Variants in HOOK3 observed in about 807,000 individuals in gnomAD.
HOOK3 encodes the protein protein Hook homolog 3.
In HOOK3, 24 loss-of-function variants were observed where a neutral mutation model predicts 116.3. The ratio of observed to expected loss-of-function variants is 0.21; its 90% CI spans 0.15 to 0.29. The LOEUF (loss-of-function observed/expected upper bound fraction) is 0.29. Ranked by LOEUF, HOOK3 falls within the 10% of genes least tolerant of loss-of-function variation. HOOK3 has a pLI of 1.00. For missense variants in HOOK3, 632 were observed against 830.2 expected (o/e 0.76, Z 2.93); for synonymous variants, 275 against 283.0 (o/e 0.97, Z 0.28).
At chr8:42,926,799 GCT>G (rs1451048889) in intron 3 of HOOK3, among the ~76,000 whole-genome samples, 1 of 152,180 alleles carries the variant, frequency 6.6e-6, no homozygotes, top group African/African-American at 2.4e-5. Flanking sequence ...GTTCTGTGTA[GCT>G]CTGTCTCATG....
chr8:42,989,913 G>A (rs939314650), intron 15 of HOOK3, among the ~76,000 whole-genome samples: 6 of 152,146 alleles, frequency 3.9e-5, no homozygotes, highest in Admixed American at 1.3e-4. Context: ...GCAAATGACA[G>A]GATTTCATTC....
intron 5 of HOOK3, among the ~76,000 whole-genome samples, chr8:42,946,763 C>CTTTTTTTTTTTT (rs34564365): frequency 1.4e-5 from 1 of 73,956 alleles, no homozygotes; most frequent in Non-Finnish European, 2.5e-5. Flanking sequence ...CTCTTTCTTT[C>CTTTTTTTTTTTT]TTTTTTTTTT....
At chr8:42,953,596 A>T (rs997718093) in intron 6 of HOOK3, among the ~76,000 whole-genome samples, 8 of 152,010 alleles carry the variant, frequency 5.3e-5, no homozygotes, top group African/African-American at 1.9e-4. Flanking sequence ...ACAAAGATAC[A>T]TAATAGTAGT....
chr8:43,001,315 G>A (rs1809376561), intron 16 of HOOK3, among the ~76,000 whole-genome samples: 1 of 151,754 alleles, frequency 6.6e-6, no homozygotes, highest in South Asian at 2.1e-4. Context: ...TTAGTGTGAG[G>A]GTTCCTTTTC....
chr8:43,013,370 G>C lies in HOOK3; in HGVS notation c.1986G>C (p.Glu662Asp), dbSNP rs187317168. 18 of 1,582,586 alleles carry C rather than the reference G, an allele frequency of 1.1e-5. No individual in the cohort carries two copies. The Admixed American group carries it at 3.4e-4, about 29-fold the overall frequency. ...EKTKSQREME[E>D]KYIVSAWYNM... Reference sequence around the variant, plus strand: ...CAAAGAGTCAGAGAGAGATGGAAGAGAAATATATTGTTAGTGCCTGGTACA... The same window carrying C: ...CAAAGAGTCAGAGAGAGATGGAAGACAAATATATTGTTAGTGCCTGGTACA... The change falls in exon 21 of 22, where the codon GAG becomes GAC. Residue 662 changes from glutamate to aspartate, a missense_variant. Glu to Asp is a conservative substitution (Grantham distance 45). Coordinates refer to ENST00000307602, the MANE Select transcript of HOOK3 (RefSeq NM_032410.4).
rs562175852 is a variant in HOOK3, at chr8:42,982,321, G to A, written c.1322-306G>A. Among the ~76,000 whole-genome samples the A allele has an allele frequency of 1.3e-4, 20 of 151,704 alleles. No homozygotes were observed. In the South Asian group the frequency reaches 4.2e-3, roughly 32 times the overall value. On this transcript the variant is annotated intron_variant, in intron 13 of 21. Coordinates refer to ENST00000307602, the MANE Select transcript of HOOK3 (RefSeq NM_032410.4). ...ATAGAATAGAGGTTACCAGGGGATAGGGGAGGGAGGCATAGGGAATTGGTT... is the reference window on the plus strand; with the variant it reads ...ATAGAATAGAGGTTACCAGGGGATAAGGGAGGGAGGCATAGGGAATTGGTT...
At chr8:42,983,865 G>C (rs969272201) in intron 14 of HOOK3, among the ~76,000 whole-genome samples, 2 of 152,252 alleles carry the variant, frequency 1.3e-5, no homozygotes, top group Non-Finnish European at 2.9e-5. Context: ...AAAGGAGACT[G>C]ATTAATTCTG....
intron 2 of HOOK3, among the ~76,000 whole-genome samples, chr8:42,924,320 C>T (rs1807720629): frequency 6.6e-6 from 1 of 151,494 alleles, no homozygotes; most frequent in African/African-American, 2.4e-5. Context: ...TCCCTCCCTC[C>T]CTCCCTCCCT....
At chr8:42,936,003 T>C (rs1429422487) in intron 4 of HOOK3, among the ~76,000 whole-genome samples, 1 of 152,220 alleles carries the variant, frequency 6.6e-6, no homozygotes, top group Non-Finnish European at 1.5e-5. Context: ...TTTCACGACA[T>C]TGATTCTTCC....
Position 42,943,309 on chromosome 8 carries a change from T to C in HOOK3, c.268-4T>C. On this transcript the variant is annotated splice_polypyrimidine_tract_variant and splice_region_variant and intron_variant, in intron 4 of 21. Coordinates refer to ENST00000307602, the MANE Select transcript of HOOK3 (RefSeq NM_032410.4). ...GCAATTATAATCCTTTTATCTCCATTCAGATTTTAGGACAGCAAATTAATG... is the reference window on the plus strand; with the variant it reads ...GCAATTATAATCCTTTTATCTCCATCCAGATTTTAGGACAGCAAATTAATG... 3 of 1,459,152 alleles carry C rather than the reference T, an allele frequency of 2.1e-6. No individual in the cohort carries two copies. The highest frequency in any genetic ancestry group is 2.7e-6 in the Non-Finnish European group (3 of 1,095,868). 90.4% of individuals were successfully genotyped at this position (1,459,152 alleles called of 1,614,324 possible). A position where few individuals can be genotyped will look rare whatever the true frequency, so the allele number is the denominator to read the frequency against.
At position 43,015,867 on chromosome 8, in the gene HOOK3, G is replaced by A. The variant is rs771192527; in HGVS notation, c.2016+2467G>A. Among the ~76,000 whole-genome samples, 7 of 151,838 alleles carry A rather than the reference G, an allele frequency of 4.6e-5. 1 individual carries two copies. In the East Asian group the frequency reaches 9.8e-4, roughly 21 times the overall value. ...CGAGTAACTGGGGTTACAGGCGCCC[G>A]CCACCACGCCTGGCTAATTTTTGTA... On this transcript the variant is annotated intron_variant, in intron 21 of 21. Coordinates refer to ENST00000307602, the MANE Select transcript of HOOK3 (RefSeq NM_032410.4).
chr8:42,910,117 A>G (rs1294481973), intron 2 of HOOK3, among the ~76,000 whole-genome samples: 6 of 152,220 alleles, frequency 3.9e-5, no homozygotes, highest in Non-Finnish European at 8.8e-5. Flanking sequence ...GAGGCAATGG[A>G]TACTAATTAG....
At position 42,919,130 on chromosome 8, in the gene HOOK3, G is replaced by A. The variant is rs1057046843; in HGVS notation, c.144-6427G>A. Reference sequence around the variant, plus strand: ...GACAGGGCGGCTGCCGGGTGGAGACGCTCCTCACTTCCCAGACGGGGCGGC... The same window carrying A: ...GACAGGGCGGCTGCCGGGTGGAGACACTCCTCACTTCCCAGACGGGGCGGC... On this transcript the variant is annotated intron_variant, in intron 2 of 21. Transcript: ENST00000307602. 2.0e-5 allele frequency among the ~76,000 whole-genome samples: 3 copies of A among 151,184 alleles called. 1 individual carries two copies. Among genetic ancestry groups the A allele is most frequent in the Middle Eastern group, 7.0e-3 (2 of 286 alleles).
rs759005926 is a variant in HOOK3, at chr8:43,005,692, A to ATATT, written c.1656-2137_1656-2134dup. Among the ~76,000 whole-genome samples the ATATT allele has an allele frequency of 7.3e-5, 11 of 151,334 alleles. No individual in the cohort carries two copies. The East Asian group carries it at 1.2e-3, about 16-fold the overall frequency. On this transcript the variant is annotated intron_variant, in intron 17 of 21. Transcript: ENST00000307602. ...ATTTTTATTTTTATGTTTTTAAACT[A>ATATT]TATTTATTTATTTATTTATTTTGAG...
intron 2 of HOOK3, among the ~76,000 whole-genome samples, chr8:42,923,285 C>A (rs1213932968): frequency 2.0e-5 from 3 of 152,172 alleles, no homozygotes; most frequent in African/African-American, 7.2e-5. Context: ...AAGAGTTTGG[C>A]CTTGCCTCAC....
rs146679683 is a variant in HOOK3 at position 42,914,350 on chromosome 8, T to C, written c.143+8092T>C. 1.7e-4 allele frequency among the ~76,000 whole-genome samples: 26 copies of C among 152,330 alleles called. No homozygotes were observed. In the East Asian group the frequency reaches 4.8e-3, roughly 28 times the overall value. ...TTCTTGAGCTCTTCTCCATTAATCT[T>C]GTCTTGCACCCAACTTCATCTTCAC... On this transcript the variant is annotated intron_variant, in intron 2 of 21. Coordinates refer to ENST00000307602, the MANE Select transcript of HOOK3 (RefSeq NM_032410.4).
chr8:43,010,103 TAAA>T (rs34194371), intron 18 of HOOK3, among the ~76,000 whole-genome samples, 199 bp from the exon 19 acceptor site: 5 of 131,698 alleles, frequency 3.8e-5, no homozygotes, highest in Admixed American at 1.5e-4. Context: ...AATCTTTTTG[TAAA>T]AAAAAAAAAA....
At chr8:42,968,495 A>C (rs994404445) in intron 11 of HOOK3, among the ~76,000 whole-genome samples, 1 of 151,912 alleles carries the variant, frequency 6.6e-6, no homozygotes, top group Non-Finnish European at 1.5e-5. Context: ...ACACCTGGCT[A>C]ATTTTTTGTA....
chr8:42,989,023 A>G (rs1313292258), intron 15 of HOOK3, among the ~76,000 whole-genome samples: 1 of 152,238 alleles, frequency 6.6e-6, no homozygotes, highest in Non-Finnish European at 1.5e-5. Flanking sequence ...CACCTGTCAG[A>G]AAGCAAAGTC....
Sources: allele counts gnomAD v4.1 joint callset (sites outside exome capture counted in the v4.1 genomes callset), GRCh38; gene constraint gnomAD v4.1.1; transcripts MANE v1.5; gene names NCBI Gene and HGNC (gene_info 2026-07-23, HGNC 2026-07-21).